The following SYT16 variants were observed in gnomAD, a reference collection of about 807,000 sequenced individuals.
The protein encoded by SYT16 is synaptotagmin 16.
SYT16 carries 42 observed loss-of-function variants against 61.4 expected under a neutral mutation model. The ratio of observed to expected loss-of-function variants is 0.68; its 90% CI spans 0.53 to 0.89. The LOEUF (loss-of-function observed/expected upper bound fraction) is 0.89, where lower values mean the gene tolerates loss of function less well. Among genes scored for constraint, SYT16 ranks in the 40% least tolerant of loss-of-function variants. The pLI is 0.00. For missense variants in SYT16, 804 were observed against 807.3 expected (o/e 1.00, Z 0.05); for synonymous variants, 314 against 302.3 (o/e 1.04, Z -0.40).
intron 7 of SYT16, among the ~76,000 whole-genome samples, 164 bp downstream of exon 7, chr14:62,084,549 A>G (rs1442089877): frequency 6.6e-6 from 1 of 152,220 alleles, no homozygotes; most frequent in Non-Finnish European, 1.5e-5. Flanking sequence ...ATGGCTCTCT[A>G]TTTAATTAGA....
rs568578413 is a variant in SYT16, at chr14:61,906,782, C to T, written c.-324-63350C>T. ...CCGTCCGTCAATCCATCCATCCGTC[C>T]GTCCGTCCATCCATCCATCCATCCA... On this transcript the variant is annotated intron_variant, in intron 1 of 7. Coordinates refer to ENST00000683842, the MANE Select transcript of SYT16 (RefSeq NM_001367656.1). Among the ~76,000 whole-genome samples, 264 of 115,544 alleles carry T rather than the reference C, an allele frequency of 2.3e-3. 1 individual carries two copies. The highest frequency in any genetic ancestry group is 5.8e-3 in the South Asian group (18 of 3,080). The allele number at this position is 115,544 out of a possible 152,430, so 75.8% of individuals were successfully genotyped here. A position where few individuals can be genotyped will look rare whatever the true frequency, so the allele number is the denominator to read the frequency against.
At chr14:61,839,905 G>A (rs1457341492) in intron 1 of SYT16, among the ~76,000 whole-genome samples, 1 of 151,352 alleles carries the variant, frequency 6.6e-6, no homozygotes, top group East Asian at 1.9e-4. Flanking sequence ...GGAGGGAGGA[G>A]GGAAAGAGGA....
chr14:61,986,705 T>C (rs1047658997), intron 2 of SYT16, among the ~76,000 whole-genome samples: 3 of 152,138 alleles, frequency 2.0e-5, no homozygotes, highest in African/African-American at 7.2e-5. Context: ...TGGGAAAAGT[T>C]ATTGAGGCCC....
intron 3 of SYT16, among the ~76,000 whole-genome samples, chr14:62,044,155 G>GT (rs1204244553): frequency 6.6e-6 from 1 of 150,842 alleles, no homozygotes. Context: ...AGCTATGATT[G>GT]TACCACTGCA....
At chr14:62,085,062 A>G (rs2056840199) in intron 7 of SYT16, among the ~76,000 whole-genome samples, 1 of 152,198 alleles carries the variant, frequency 6.6e-6, no homozygotes, top group East Asian at 1.9e-4. Context: ...CACTGGAAAG[A>G]GGGGTTCAAG....
intron 5 of SYT16, among the ~76,000 whole-genome samples, chr14:62,077,065 G>T (rs1259865430): frequency 6.6e-6 from 1 of 152,218 alleles, no homozygotes; most frequent in African/African-American, 2.4e-5. Flanking sequence ...TGCCTGCTTT[G>T]CAGGCTTAGC....
rs879598465 is a variant in SYT16 at position 62,008,836 on chromosome 14, A to G, written c.523+12294A>G. On this transcript the variant is annotated intron_variant, in intron 3 of 7. Coordinates refer to ENST00000683842, the MANE Select transcript of SYT16 (RefSeq NM_001367656.1). ...TTACTGCTACATGGTAGTCAACTGTATTAATTAATATACCATTTTCCATCC... is the reference window on the plus strand; with the variant it reads ...TTACTGCTACATGGTAGTCAACTGTGTTAATTAATATACCATTTTCCATCC... Among the ~76,000 whole-genome samples, 17 of 152,234 alleles carry G rather than the reference A, an allele frequency of 1.1e-4. No individual in the cohort carries two copies. The East Asian group carries it at 2.9e-3, about 26-fold the overall frequency.
intron 1 of SYT16, among the ~76,000 whole-genome samples, chr14:61,918,468 C>T (rs1325344734): frequency 6.6e-6 from 1 of 151,952 alleles, no homozygotes; most frequent in Non-Finnish European, 1.5e-5. Context: ...ACAATAAAGC[C>T]AAATGTCCAG....
intron 1 of SYT16, among the ~76,000 whole-genome samples, chr14:61,930,289 G>A (rs569183568): frequency 3.9e-5 from 6 of 152,056 alleles, no homozygotes; most frequent in Admixed American, 2.0e-4. Flanking sequence ...TCACAGAGCC[G>A]TGTGTACCCA....
intron 1 of SYT16, among the ~76,000 whole-genome samples, chr14:61,822,656 C>A (rs764923177): frequency 1.7e-4 from 26 of 152,170 alleles, no homozygotes; most frequent in Non-Finnish European, 3.4e-4. Context: ...TTGGGGAAGT[C>A]CATCTGAATA....
At chr14:62,044,661 A>G (rs1436771891) in intron 3 of SYT16, among the ~76,000 whole-genome samples, 1 of 152,014 alleles carries the variant, frequency 6.6e-6, no homozygotes, top group Non-Finnish European at 1.5e-5. Flanking sequence ...ATGATATTCC[A>G]TTGTGTATAT....
At chr14:62,000,739 G>T (rs1434127780) in intron 3 of SYT16, among the ~76,000 whole-genome samples, 1 of 151,968 alleles carries the variant, frequency 6.6e-6, no homozygotes. Flanking sequence ...CTAATGCATG[G>T]ATCTTTAATT....
At chr14:61,859,765 G>A (rs2046909799) in intron 1 of SYT16, among the ~76,000 whole-genome samples, 1 of 152,140 alleles carries the variant, frequency 6.6e-6, no homozygotes, top group Admixed American at 6.5e-5. Flanking sequence ...TCTGGGAAGT[G>A]TGGGGAGGAC....
chr14:62,047,980 G>A (rs1223831396), intron 3 of SYT16, among the ~76,000 whole-genome samples: 1 of 152,194 alleles, frequency 6.6e-6, no homozygotes, highest in East Asian at 1.9e-4. Context: ...TCAGGATGAT[G>A]CTGGCCTCAT....
intron 3 of SYT16, among the ~76,000 whole-genome samples, chr14:62,015,248 C>T (rs1031074338): frequency 1.3e-4 from 19 of 151,524 alleles, no homozygotes; most frequent in Non-Finnish European, 4.4e-5. Context: ...ATAATTTTTA[C>T]ATTGCCAGCA....
At chr14:61,885,929 G>T (rs905360730) in intron 1 of SYT16, among the ~76,000 whole-genome samples, 1 of 151,952 alleles carries the variant, frequency 6.6e-6, no homozygotes, top group Non-Finnish European at 1.5e-5. Context: ...GAATGATCAG[G>T]GTGGTGGTTA....
At chr14:62,024,118 CATA>C (rs1448687714) in intron 3 of SYT16, among the ~76,000 whole-genome samples, 2 of 151,952 alleles carry the variant, frequency 1.3e-5, no homozygotes, top group Admixed American at 6.6e-5. Context: ...TCTTTATGGT[CATA>C]ATAATATAAA....
intron 1 of SYT16, among the ~76,000 whole-genome samples, chr14:61,884,561 G>A (rs891119615): frequency 6.6e-6 from 1 of 152,210 alleles, no homozygotes; most frequent in Non-Finnish European, 1.5e-5. Context: ...TTGCAAGAAA[G>A]CCTGACCAGT....
chr14:62,091,585 C>T (rs977289428), intron 7 of SYT16, among the ~76,000 whole-genome samples: 5 of 152,006 alleles, frequency 3.3e-5, no homozygotes, highest in East Asian at 1.9e-4. Flanking sequence ...ACAAGGCTGC[C>T]GAGACCATTC....
Sources: allele counts gnomAD v4.1 joint callset (sites outside exome capture counted in the v4.1 genomes callset), GRCh38; gene constraint gnomAD v4.1.1; transcripts MANE v1.5; gene names NCBI Gene and HGNC (gene_info 2026-07-23, HGNC 2026-07-21).